RFX2: variants seen among roughly 807,000 people sequenced by gnomAD.
RFX2 encodes the protein regulatory factor X2, also known as DNA-binding protein RFX2.
In RFX2, 20 loss-of-function variants were observed where a neutral mutation model predicts 87.8. That is an observed-to-expected ratio of 0.23 (90% CI 0.16 to 0.33). RFX2 has a LOEUF of 0.33. RFX2 is among the 10% of genes least tolerant of loss of function. The probability of loss-of-function intolerance (pLI) is 1.00; values close to 1 mark genes in which losing one functional copy is unlikely to be tolerated. For synonymous variants in RFX2, 397 were observed against 431.3 expected, an observed-to-expected ratio of 0.92 and a Z score of 0.98; for missense variants, 767 against 1,012.3, an observed-to-expected ratio of 0.76 and a Z score of 3.29.
Position 6,042,073 on chromosome 19 carries a change from C to G in RFX2, c.231G>C (p.Gly77=), listed in dbSNP as rs769743225. 3.7e-6 allele frequency: 6 copies of G among 1,613,922 alleles called. No individual in the cohort carries two copies. In the East Asian group the frequency reaches 1.3e-4, roughly 36 times the overall value. Residue 77 remains glycine, a synonymous_variant, in exon 4 of 18, where the codon GGG becomes GGC. Coordinates refer to ENST00000303657, the MANE Select transcript of RFX2 (RefSeq NM_000635.4). ...VYPAQVQYVE[G]GDAVYTNGAI... ...CTCCATTGGTGTAGACGGCGTCTCC[C>G]CCTTCCACGTACTGCACCTGGGCAG...
At chr19:6,084,371 A>G (rs2087827067) in intron 1 of RFX2, among the ~76,000 whole-genome samples, 1 of 152,206 alleles carries the variant, frequency 6.6e-6, no homozygotes, top group South Asian at 2.1e-4. Context: ...AATGTGCATA[A>G]TGTACAATTT....
chr19:6,035,465 A>G (rs1374405060), intron 5 of RFX2, among the ~76,000 whole-genome samples: 1 of 152,246 alleles, frequency 6.6e-6, no homozygotes, highest in East Asian at 1.9e-4. Flanking sequence ...ACTAATTTTT[A>G]AGATTTATAA....
Position 6,080,748 on chromosome 19 carries a change from C to T in RFX2, c.-9+29645G>A, listed in dbSNP as rs184812464. Among the ~76,000 whole-genome samples, 134 of 152,200 alleles carry T rather than the reference C, an allele frequency of 8.8e-4. 1 individual carries two copies. The highest frequency in any genetic ancestry group is 3.1e-3 in the African/African-American group (127 of 41,532). ...TCAGATGTCTGGAGTTTTAAAATTC[C>T]AATTGCTGTCGGGGCTCAGTGGCTT... On this transcript the variant is annotated intron_variant, in intron 1 of 17. Transcript: ENST00000303657.
rs539828741 is a variant in RFX2, at chr19:6,002,808, C to T, written c.1563G>A (p.Ala521=). Residue 521 remains alanine, a synonymous_variant, in exon 14 of 18, where the codon GCG becomes GCA. Coordinates refer to ENST00000303657, the MANE Select transcript of RFX2 (RefSeq NM_000635.4). The surrounding 1 kb of genome is among the most constrained non-coding windows in gnomAD (Gnocchi z 6.7). ...LRRYTSLNHL[A]QAARAVLQNT... ...TCTGCAGCACCGCCCGGGCCGCCTG[C>T]GCCAGGTGGTTGAGGGACGTGTAGC... 4.0e-5 allele frequency: 64 copies of T among 1,613,634 alleles called. No homozygotes were observed. Among genetic ancestry groups the T allele is most frequent in the South Asian group, 3.6e-4 (33 of 91,060 alleles).
chr19:6,008,306 G>T, intron 9 of RFX2, 82 bp from the exon 10 acceptor site: 1 of 751,698 alleles, frequency 1.3e-6, no homozygotes, highest in Non-Finnish European at 2.1e-6. Context: ...GTGGATGGGG[G>T]CCCAGAAACA....
At chr19:6,086,743 C>T (rs1179062620) in intron 1 of RFX2, among the ~76,000 whole-genome samples, 2 of 152,228 alleles carry the variant, frequency 1.3e-5, no homozygotes, top group Admixed American at 6.5e-5. Flanking sequence ...CGGCTCATTC[C>T]TGTTTTCAGT....
intron 16 of RFX2, among the ~76,000 whole-genome samples, chr19:5,996,079 A>G (rs2086402106): frequency 6.6e-6 from 1 of 152,202 alleles, no homozygotes; most frequent in African/African-American, 2.4e-5. Context: ...GTTTCTGTAC[A>G]CGTTGCGGGG....
intron 3 of RFX2, among the ~76,000 whole-genome samples, chr19:6,043,850 C>T (rs1294389333): frequency 2.6e-5 from 4 of 152,214 alleles, no homozygotes; most frequent in Non-Finnish European, 5.9e-5. Context: ...GGGTATGGCA[C>T]TCACTAGCAG....
intron 1 of RFX2, among the ~76,000 whole-genome samples, chr19:6,059,929 A>T (rs540099026): frequency 6.6e-6 from 1 of 151,980 alleles, no homozygotes; most frequent in Admixed American, 6.5e-5. Flanking sequence ...CTCCCACTAG[A>T]CAAAAACAAC....
intron 6 of RFX2, among the ~76,000 whole-genome samples, chr19:6,025,178 C>T (rs550253457): frequency 1.3e-5 from 2 of 152,238 alleles, no homozygotes; most frequent in Admixed American, 6.5e-5. Context: ...GAAGTGAAAG[C>T]GATGAGTCTG....
chr19:6,104,254 T>C (rs186265549), intron 1 of RFX2, among the ~76,000 whole-genome samples: 4 of 152,132 alleles, frequency 2.6e-5, no homozygotes, highest in African/African-American at 9.6e-5. Context: ...TTAAGGTACC[T>C]ATGAGCAATT....
intron 5 of RFX2, among the ~76,000 whole-genome samples, chr19:6,038,410 A>T (rs79682848): frequency 0.028 from 4,195 of 151,870 alleles, 104 homozygotes; most frequent in Admixed American, 0.09. Context: ...AAATCTTCAT[A>T]ATGTGCAAAT....
chr19:6,003,642 G>C lies in RFX2; in HGVS notation c.1500+559C>G, dbSNP rs901610383. ...AAATACAAAAAAATTAGCCAGGTGTGGTGGCGGGCACCTGTAATCCCAGCT... is the reference window on the plus strand; with the variant it reads ...AAATACAAAAAAATTAGCCAGGTGTCGTGGCGGGCACCTGTAATCCCAGCT... On this transcript the variant is annotated intron_variant, in intron 13 of 17. Transcript: ENST00000303657. Among the ~76,000 whole-genome samples the C allele has an allele frequency of 3.9e-5, 6 of 152,034 alleles. No homozygotes were observed. In the East Asian group the frequency reaches 1.2e-3, roughly 29 times the overall value.
chr19:6,060,875 G>A (rs1375948077), intron 1 of RFX2, among the ~76,000 whole-genome samples: 3 of 151,926 alleles, frequency 2.0e-5, no homozygotes, highest in African/African-American at 7.2e-5. Context: ...ACGACCTCCC[G>A]GCACCAGGAC....
intron 9 of RFX2, among the ~76,000 whole-genome samples, chr19:6,008,457 CCAG>C (rs1289941691): frequency 6.6e-6 from 1 of 151,416 alleles, no homozygotes; most frequent in African/African-American, 2.4e-5. Flanking sequence ...ACTGCAACCT[CCAG>C]CTCCTGGGAT....
chr19:5,999,318 C>T lies in RFX2; in HGVS notation c.1860-2105G>A, dbSNP rs1448240943. 6.6e-6 allele frequency among the ~76,000 whole-genome samples: 1 copy of T among 152,072 alleles called. No homozygotes were observed. The highest frequency in any genetic ancestry group is 1.5e-5 in the Non-Finnish European group (1 of 68,014). On this transcript the variant is annotated intron_variant, in intron 15 of 17. Transcript: ENST00000303657. The surrounding 1 kb of genome is among the most constrained non-coding windows in gnomAD (Gnocchi z 4.1). ...CTCGGTCTCCCTTGTGAAGAGCACC[C>T]CCACCTTGCAGACGTGACCCCGATC... is the stretch of plus-strand genomic sequence containing the variant.
intron 5 of RFX2, among the ~76,000 whole-genome samples, chr19:6,031,959 T>C (rs1347954608): frequency 1.3e-5 from 2 of 151,902 alleles, no homozygotes; most frequent in Non-Finnish European, 2.9e-5. Flanking sequence ...AACCCAAATA[T>C]GGAGACACGA....
At position 6,044,005 on chromosome 19, in the gene RFX2, C is replaced by T. The variant is rs2087149956; in HGVS notation, c.180+188G>A. 6.6e-6 allele frequency among the ~76,000 whole-genome samples: 1 copy of T among 152,152 alleles called. No homozygotes were observed. Among genetic ancestry groups the T allele is most frequent in the Non-Finnish European group, 1.5e-5 (1 of 68,036 alleles). On this transcript the variant is annotated intron_variant, in intron 3 of 17. Coordinates refer to ENST00000303657, the MANE Select transcript of RFX2 (RefSeq NM_000635.4). The surrounding 1 kb of genome is among the most constrained non-coding windows in gnomAD (Gnocchi z 5.3). The stretch of plus-strand genomic sequence containing the variant: ...GATCACCAGCTTTCTTGGCTTTCTG[C>T]AAAACTATCTGCAGTAAATGATTTT...
rs974894366 is a variant in RFX2, at chr19:5,998,062, C to A, written c.1860-849G>T. ...GTCGCTCACACCTGTAATCCCAGCA[C>A]TTTGGGAGGCCAGGGCGGGCAGATC... On this transcript the variant is annotated intron_variant, in intron 15 of 17. Coordinates refer to ENST00000303657, the MANE Select transcript of RFX2 (RefSeq NM_000635.4). The surrounding 1 kb of genome is among the most constrained non-coding windows in gnomAD (Gnocchi z 4.2). Among the ~76,000 whole-genome samples the A allele has an allele frequency of 6.6e-6, 1 of 152,048 alleles. No individual in the cohort carries two copies. Among genetic ancestry groups the A allele is most frequent in the African/African-American group, 2.4e-5 (1 of 41,386 alleles).
Sources: allele counts gnomAD v4.1 joint callset (sites outside exome capture counted in the v4.1 genomes callset), GRCh38; gene constraint gnomAD v4.1.1; non-coding constraint Gnocchi (gnomAD v3.1); transcripts MANE v1.5; gene names NCBI Gene and HGNC (gene_info 2026-07-23, HGNC 2026-07-21).